Variants in PHF3 observed in about 807,000 individuals in gnomAD.
PHF3 encodes PHD finger protein 3.
A neutral mutation model predicts 178.4 loss-of-function variants in PHF3; 41 were observed. That is an observed-to-expected ratio of 0.23 (90% CI 0.18 to 0.30). The LOEUF (loss-of-function observed/expected upper bound fraction) is 0.30, where lower values mean the gene tolerates loss of function less well. Among genes scored for constraint, PHF3 ranks in the 10% least tolerant of loss-of-function variants. PHF3 has a pLI of 1.00. For synonymous variants in PHF3, 842 were observed against 800.5 expected, an observed-to-expected ratio of 1.05 and a Z score of -0.88; for missense variants, 2,346 against 2,398.1, an observed-to-expected ratio of 0.98 and a Z score of 0.45.
intron 4 of PHF3, among the ~76,000 whole-genome samples, chr6:63,686,853 G>T (rs1473833070): frequency 1.3e-5 from 2 of 152,154 alleles, no homozygotes; most frequent in African/African-American, 4.8e-5. Context: ...GCTCTTTAGG[G>T]AGGGACAATT....
chr6:63,679,955 T>G, intron 2 of PHF3, 45 bp from the exon 3 acceptor site: 1 of 1,502,790 alleles, frequency 6.7e-7, no homozygotes, highest in Non-Finnish European at 9.2e-7. Flanking sequence ...TTGCCTAACA[T>G]TCCCAATATT....
Position 63,712,310 on chromosome 6 carries a change from A to T in PHF3, c.4722A>T (p.Thr1574=). 6.2e-7 allele frequency: 1 copy of T among 1,613,214 alleles called. No homozygotes were observed. The highest frequency in any genetic ancestry group is 8.5e-7 in the Non-Finnish European group (1 of 1,179,746). The part of the protein sequence containing the change: ...PPDVSTEAFL[T]NLSIQSKQEE... ...ATGTTTCTACAGAAGCATTTTTAACAAATTTATCAATTCAGTCAAAACAAG... is the reference window on the plus strand; with the variant it reads ...ATGTTTCTACAGAAGCATTTTTAACTAATTTATCAATTCAGTCAAAACAAG... The change falls in exon 16 of 16, where the codon ACA becomes ACT. Residue 1574 remains threonine (T), a synonymous_variant. Transcript: ENST00000262043.
rs1276067999 is a variant in PHF3 at position 63,694,493 on chromosome 6, T to C, written c.2497-88T>C. The C allele has an allele frequency of 2.4e-5, 22 of 908,016 alleles. No individual in the cohort carries two copies. In the Middle Eastern group the frequency reaches 2.0e-3, roughly 84 times the overall value. The allele number at this position is 908,016 out of a possible 1,614,324, so 56.2% of individuals were successfully genotyped here. ...AATGAAAGAGTGAATCTCATTTTAC[T>C]AATAATCAAGAGTTATTTTTGTACG... On this transcript the variant is annotated intron_variant, in intron 5 of 15. Transcript: ENST00000262043.
intron 2 of PHF3, among the ~76,000 whole-genome samples, chr6:63,675,512 G>C (rs1361303686): frequency 5.3e-5 from 8 of 152,154 alleles, no homozygotes; most frequent in Non-Finnish European, 2.9e-5. Context: ...TGGGGCTCTT[G>C]AATGTTCAGC....
rs1176644630 is a variant in PHF3 at position 63,715,778 on chromosome 6, CATATTAGCT to C, written c.*2073_*2081del. ...TTATGGAGAATAGGGAAGGTATGGT[CATATTAGCT>C]ATTTGAGGTTTTCCTTTTGAGGAAA... On this transcript the variant is annotated 3_prime_UTR_variant, in exon 16 of 16. Transcript: ENST00000262043. Among the ~76,000 whole-genome samples the C allele has an allele frequency of 2.0e-5, 3 of 151,890 alleles. No homozygotes were observed. The highest frequency in any genetic ancestry group is 7.3e-5 in the African/African-American group (3 of 41,356).
Position 63,711,905 on chromosome 6 carries a change from T to G in PHF3, c.4317T>G (p.Pro1439=). Residue 1439 remains proline (P), a synonymous_variant, in exon 16 of 16, where the codon CCT becomes CCG. Transcript: ENST00000262043. ...MEVTKQEPPK[P]LRFLPGVLIG... Reference sequence around the variant, plus strand: ...TCACCAAACAGGAGCCACCAAAACCTTTAAGATTTCTTCCTGGCGTGTTGA... The same window carrying G: ...TCACCAAACAGGAGCCACCAAAACCGTTAAGATTTCTTCCTGGCGTGTTGA... 6 of 1,613,988 alleles carry G rather than the reference T, an allele frequency of 3.7e-6. No homozygotes were observed. The highest frequency in any genetic ancestry group is 5.1e-6 in the Non-Finnish European group (6 of 1,179,940).
At chr6:63,666,432 G>T (rs1765684571) in intron 2 of PHF3, among the ~76,000 whole-genome samples, 1 of 151,368 alleles carries the variant, frequency 6.6e-6, no homozygotes, top group Non-Finnish European at 1.5e-5. Flanking sequence ...ATATATATTT[G>T]CTTCGTGTTT....
rs769773248 is a variant in PHF3 at position 63,712,024 on chromosome 6, A to G, written c.4436A>G (p.Gln1479Arg). Residue 1479 changes from glutamine to arginine, a missense_variant, in exon 16 of 16, where the codon CAA (glutamine) becomes CGA (arginine). Physicochemically the swap from Gln to Arg is conservative, Grantham distance 43. Coordinates refer to ENST00000262043, the MANE Select transcript of PHF3 (RefSeq NM_001370348.2). ...CAAAGCCTTTTGGGCACCACTGGTC[A>G]AGTATATGACCAGGCCCAGTCAGTG... ...ILQSLLGTTGQVYDQAQSVME... is the reference protein window; with the variant it reads ...ILQSLLGTTGRVYDQAQSVME... 2 of 1,613,788 alleles carry G rather than the reference A, an allele frequency of 1.2e-6. No homozygotes were observed. The highest frequency in any genetic ancestry group is 1.7e-6 in the Non-Finnish European group (2 of 1,179,948).
chr6:63,662,758 CA>C (rs1192485854), intron 2 of PHF3, among the ~76,000 whole-genome samples: 1 of 152,020 alleles, frequency 6.6e-6, no homozygotes, highest in African/African-American at 2.4e-5. Flanking sequence ...GCTTACATAA[CA>C]AGAACGATAA....
Position 63,719,891 on chromosome 6 carries a change from A to G in PHF3, c.*6183A>G, listed in dbSNP as rs935978038. On this transcript the variant is annotated 3_prime_UTR_variant, in exon 16 of 16. Coordinates refer to ENST00000262043, the MANE Select transcript of PHF3 (RefSeq NM_001370348.2). ...AGGCAACCATTTTTAATTCTTTTAGATATTTAGGATATTTGCCTTCATGTT... is the reference window on the plus strand; with the variant it reads ...AGGCAACCATTTTTAATTCTTTTAGGTATTTAGGATATTTGCCTTCATGTT... 2.6e-5 allele frequency: 4 copies of G among 152,066 alleles called. No homozygotes were observed. Among genetic ancestry groups the G allele is most frequent in the Non-Finnish European group, 5.9e-5 (4 of 67,962 alleles). 9.4% of individuals were successfully genotyped at this position (152,066 alleles called of 1,614,324 possible). A position where few individuals can be genotyped will look rare whatever the true frequency, so the allele number is the denominator to read the frequency against.
Position 63,682,580 on chromosome 6 carries a change from A to G in PHF3, c.407-1549A>G, listed in dbSNP as rs112733923. On this transcript the variant is annotated intron_variant, in intron 3 of 15. Coordinates refer to ENST00000262043, the MANE Select transcript of PHF3 (RefSeq NM_001370348.2). The stretch of plus-strand genomic sequence containing the variant: ...TTATTTCATCATCTTTTCTTGATCT[A>G]TGTTTTTAATACATTTTCAAAATCA... Among the ~76,000 whole-genome samples the G allele has an allele frequency of 6.7e-3, 1,019 of 152,226 alleles. 8 individuals are homozygous for G. The highest frequency in any genetic ancestry group is 0.019 in the African/African-American group (795 of 41,572).
chr6:63,700,923 G>C (rs1767448206), intron 9 of PHF3, among the ~76,000 whole-genome samples: 1 of 152,090 alleles, frequency 6.6e-6, no homozygotes, highest in Non-Finnish European at 1.5e-5. Context: ...CTTAAATTCT[G>C]TTGGTTTCTC....
rs1446670099 is a variant in PHF3 at position 63,721,431 on chromosome 6, C to T, written c.*7723C>T. 2.6e-6 allele frequency: 4 copies of T among 1,551,688 alleles called. No homozygotes were observed. Among genetic ancestry groups the T allele is most frequent in the Non-Finnish European group, 2.6e-6 (3 of 1,146,928 alleles). ...ATCACAGTCACCTACATTTGAGCCACCTTTTGCTCCAAATTCAGTTAATTG... is the reference window on the plus strand; with the variant it reads ...ATCACAGTCACCTACATTTGAGCCATCTTTTGCTCCAAATTCAGTTAATTG... On this transcript the variant is annotated 3_prime_UTR_variant, in exon 16 of 16. Transcript: ENST00000262043.
intron 8 of PHF3, 32 bp from the exon 9 acceptor site, chr6:63,700,318 C>T: frequency 9.7e-7 from 1 of 1,027,938 alleles, no homozygotes; most frequent in Non-Finnish European, 1.5e-6. Flanking sequence ...ATGTTTGTCT[C>T]CCCTTCTATT....
rs1768541821 is a variant in PHF3 at position 63,724,608 on chromosome 6, A to G, written c.*10900A>G. ...CTTTTAAAGGTGTTAAATTTTTAGC[A>G]GAAATAGATGAAAAGGGACCAGAGT... On this transcript the variant is annotated 3_prime_UTR_variant, in exon 16 of 16. Coordinates refer to ENST00000262043, the MANE Select transcript of PHF3 (RefSeq NM_001370348.2). Among the ~76,000 whole-genome samples, 1 of 152,152 alleles carries G rather than the reference A, an allele frequency of 6.6e-6. No homozygotes were observed. Among genetic ancestry groups the G allele is most frequent in the African/African-American group, 2.4e-5 (1 of 41,454 alleles).
Position 63,713,112 on chromosome 6 carries a change from C to T in PHF3, c.5524C>T (p.Pro1842Ser), listed in dbSNP as rs1768035206. The T allele has an allele frequency of 6.2e-7, 1 of 1,614,056 alleles. No individual in the cohort carries two copies. Among genetic ancestry groups the T allele is most frequent in the Non-Finnish European group, 8.5e-7 (1 of 1,179,960 alleles). ...PPHLPPPLLP[P>S]PGFGFAQNPM... ...ACATTTGCCACCTCCATTACTTCCC[C>T]CTCCAGGCTTTGGCTTTGCTCAAAA... Residue 1842 changes from proline to serine, a missense_variant, in exon 16 of 16, where the codon CCT (proline) becomes TCT (serine). By Grantham distance (74) the Pro-to-Ser change is moderately conservative. Transcript: ENST00000262043.
Position 63,721,103 on chromosome 6 carries a change from G to A in PHF3, c.*7395G>A, listed in dbSNP as rs1298739470. 2 of 1,551,300 alleles carry A rather than the reference G, an allele frequency of 1.3e-6. No homozygotes were observed. Among genetic ancestry groups the A allele is most frequent in the Non-Finnish European group, 1.7e-6 (2 of 1,146,744 alleles). Reference sequence around the variant, plus strand: ...TTAAGGATATAGTAGTGAACTGGAGGTTTCTCATTCTATAATTTGGATCAA... The same window carrying A: ...TTAAGGATATAGTAGTGAACTGGAGATTTCTCATTCTATAATTTGGATCAA... On this transcript the variant is annotated 3_prime_UTR_variant, in exon 16 of 16. Transcript: ENST00000262043.
intron 9 of PHF3, among the ~76,000 whole-genome samples, chr6:63,701,277 A>T (rs1276654812): frequency 6.6e-6 from 1 of 152,246 alleles, no homozygotes; most frequent in Admixed American, 6.5e-5. Flanking sequence ...GAAATATTGT[A>T]TATTTAATTA....
rs1279241321 is a variant in PHF3 at position 63,713,108 on chromosome 6, T to C, written c.5520T>C (p.Leu1840=). 6.2e-7 allele frequency: 1 copy of C among 1,613,716 alleles called. No individual in the cohort carries two copies. Among genetic ancestry groups the C allele is most frequent in the Admixed American group, 1.7e-5 (1 of 59,948 alleles). The change falls in exon 16 of 16, where the codon CTT becomes CTC. Residue 1840 remains leucine (L), a synonymous_variant. Transcript: ENST00000262043. ...GFPPHLPPPL[L]PPPGFGFAQN... ...CACCACATTTGCCACCTCCATTACT[T>C]CCCCCTCCAGGCTTTGGCTTTGCTC... is the stretch of plus-strand genomic sequence containing the variant.
Sources: gnomAD v4.1 joint callset for allele counts (sites outside exome capture counted in the v4.1 genomes callset) on GRCh38, gnomAD v4.1.1 for gene constraint, MANE v1.5 for transcripts, NCBI Gene and HGNC (gene_info 2026-07-23, HGNC 2026-07-21) for gene names.